Variants in PDZD2 observed in about 807,000 individuals in gnomAD.
PDZD2 encodes PDZ domain containing 2.
In PDZD2, 90 loss-of-function variants were observed where a neutral mutation model predicts 220.7. The observed-to-expected ratio is 0.41, with a 90% CI of 0.34 to 0.49. The LOEUF is 0.49. Among genes scored for constraint, PDZD2 ranks in the 20% least tolerant of loss-of-function variants. The pLI, the probability that PDZD2 is intolerant of heterozygous loss-of-function variation, is 0.28. For missense variants in PDZD2, 3,174 were observed against 3,608.5 expected, an observed-to-expected ratio of 0.88 and a Z score of 3.08; for synonymous variants, 1,375 against 1,450.5, an observed-to-expected ratio of 0.95 and a Z score of 1.18.
chr5:31,883,520 CA>C (rs747093329), intron 2 of PDZD2, among the ~76,000 whole-genome samples: 95 of 152,004 alleles, frequency 6.2e-4, no homozygotes, highest in Non-Finnish European at 1.2e-3. Flanking sequence ...CGTGTCTGGC[CA>C]GCATGCTACT....
intron 6 of PDZD2, among the ~76,000 whole-genome samples, chr5:32,024,681 TCAA>T (rs1561378043): frequency 1.5e-5 from 2 of 132,468 alleles, no homozygotes; most frequent in Non-Finnish European, 3.2e-5. Context: ...AGACTTCATC[TCAA>T]AAAAAAAAAG....
intron 2 of PDZD2, among the ~76,000 whole-genome samples, chr5:31,955,913 A>G (rs2111651193): frequency 6.6e-6 from 1 of 152,002 alleles, no homozygotes; most frequent in African/African-American, 2.4e-5. Flanking sequence ...GAATGTATTA[A>G]TTTCCACATA....
intron 1 of PDZD2, among the ~76,000 whole-genome samples, chr5:31,759,198 G>A (rs1296956622): frequency 2.7e-5 from 4 of 150,482 alleles, no homozygotes; most frequent in East Asian, 2.0e-4. Context: ...GAGGAACAGC[G>A]TGAACTAGCT....
chr5:31,760,049 G>A lies in PDZD2; in HGVS notation c.-360-38840G>A, dbSNP rs774284151. On this transcript the variant is annotated intron_variant, in intron 1 of 24. Transcript: ENST00000438447. ...GGGTGCAGCTTCAGGTTCTGCTCCC[G>A]GTAAAGCAGATGGGAGGAGGAGTGG... 7.2e-5 allele frequency among the ~76,000 whole-genome samples: 11 copies of A among 152,168 alleles called. No homozygotes were observed. The East Asian group carries it at 1.5e-3, about 21-fold the overall frequency.
At chr5:31,972,574 A>G (rs79906499) in intron 2 of PDZD2, among the ~76,000 whole-genome samples, 2,250 of 152,336 alleles carry the variant, frequency 0.015, 56 homozygotes, top group African/African-American at 0.052. Context: ...AAATGCCTAT[A>G]ACAGTGCCTG....
chr5:32,014,939 C>T (rs1164395148), intron 6 of PDZD2, among the ~76,000 whole-genome samples: 1,923 of 93,998 alleles, frequency 0.02, 228 homozygotes, highest in African/African-American at 0.059. Flanking sequence ...CAATCTCTCT[C>T]TTTTTTTTTT....
At chr5:31,665,608 A>T (rs1402672580) in intron 1 of PDZD2, among the ~76,000 whole-genome samples, 3 of 150,536 alleles carry the variant, frequency 2.0e-5, no homozygotes, top group Non-Finnish European at 4.4e-5. Flanking sequence ...AGTTCTCATG[A>T]GATCCGATGG....
intron 18 of PDZD2, 147 bp downstream of exon 18, chr5:32,074,790 T>C (rs927732359): frequency 1.8e-5 from 11 of 615,154 alleles, no homozygotes; most frequent in Non-Finnish European, 2.8e-5. Flanking sequence ...GTCACTTAAA[T>C]ACCTGGACTG....
intron 5 of PDZD2, among the ~76,000 whole-genome samples, chr5:32,001,271 A>G (rs775188000): frequency 3.5e-4 from 54 of 152,326 alleles, no homozygotes; most frequent in Non-Finnish European, 6.2e-4. Context: ...CAGCTCTTCC[A>G]GGAGGAGCTG....
At chr5:32,075,672 C>G (rs556222518) in intron 18 of PDZD2, among the ~76,000 whole-genome samples, 1 of 152,042 alleles carries the variant, frequency 6.6e-6, no homozygotes. Context: ...GGAGACAGTA[C>G]GAGAAATCAA....
chr5:32,067,454 A>G (rs1271539582), intron 14 of PDZD2, among the ~76,000 whole-genome samples: 2 of 152,216 alleles, frequency 1.3e-5, no homozygotes, highest in Non-Finnish European at 2.9e-5. Context: ...GTGTGTAAGT[A>G]TATATGCCTG....
chr5:31,864,839 CTTTTTTTTTTTT>C (rs70955752), intron 2 of PDZD2, among the ~76,000 whole-genome samples: 16 of 70,932 alleles, frequency 2.3e-4, no homozygotes, highest in African/African-American at 7.6e-4. Flanking sequence ...TGAGATTTGT[CTTTTTTTTTTTT>C]TTTTTTTTTT....
chr5:31,934,213 GA>G (rs59271352), intron 2 of PDZD2, among the ~76,000 whole-genome samples: 17,802 of 151,788 alleles, frequency 0.12, 1,294 homozygotes, highest in South Asian at 0.24. Context: ...TCTTTTAAAA[GA>G]AAAAAAAGCT....
chr5:31,799,030 G>T lies in PDZD2; in HGVS notation c.-219G>T. 1.8e-6 allele frequency: 1 copy of T among 563,684 alleles called. No homozygotes were observed. The allele number at this position is 563,684 out of a possible 1,614,324, so 34.9% of individuals were successfully genotyped here. On this transcript the variant is annotated 5_prime_UTR_variant, in exon 2 of 25. Coordinates refer to ENST00000438447, the MANE Select transcript of PDZD2 (RefSeq NM_178140.4). ...CTTCCTTCCCTCATTGAGCACTCCAGTGCCATTGTTCCACAGTTGTTCTAA... is the reference window on the plus strand; with the variant it reads ...CTTCCTTCCCTCATTGAGCACTCCATTGCCATTGTTCCACAGTTGTTCTAA...
chr5:31,822,340 G>A (rs1177803312), intron 2 of PDZD2, among the ~76,000 whole-genome samples: 2 of 137,954 alleles, frequency 1.4e-5, no homozygotes, highest in African/African-American at 5.5e-5. Flanking sequence ...GCAGTGGCAT[G>A]ATCTCAGCTC....
At chr5:31,670,483 C>T (rs552793441) in intron 1 of PDZD2, among the ~76,000 whole-genome samples, 2 of 152,278 alleles carry the variant, frequency 1.3e-5, no homozygotes, top group South Asian at 4.1e-4. Flanking sequence ...GTGGCGCGAT[C>T]TCAGCTCACT....
intron 2 of PDZD2, among the ~76,000 whole-genome samples, chr5:31,865,897 C>T (rs1246069996): frequency 6.6e-6 from 1 of 150,744 alleles, no homozygotes; most frequent in Non-Finnish European, 1.5e-5. Flanking sequence ...TCCCAAAATG[C>T]TGGGATTACA....
rs760388130 is a variant in PDZD2, at chr5:32,090,919, C to T, written c.7471C>T (p.Pro2491Ser). Residue 2491 changes from proline (P) to serine (S), a missense_variant, in exon 20 of 25, where the codon CCT becomes TCT. This residue lies in a region of PDZD2 where 631 missense variants were observed against 789.9 expected (regional missense o/e 0.80). Transcript: ENST00000438447. The surrounding 1 kb of genome is among the most constrained non-coding windows in gnomAD (Gnocchi z 4.3). The stretch of plus-strand genomic sequence containing the variant: ...CCAGGAGCTGAGAGCCTTGAGCATG[C>T]CTGACCTTGACAAGCTCTGCAGCGA... ...KLQELRALSM[P>S]DLDKLCSEDY... 1 of 1,613,976 alleles carries T rather than the reference C, an allele frequency of 6.2e-7. No individual in the cohort carries two copies. The highest frequency in any genetic ancestry group is 8.5e-7 in the Non-Finnish European group (1 of 1,180,002).
chr5:31,886,352 T>C (rs920278488), intron 2 of PDZD2, among the ~76,000 whole-genome samples: 7 of 152,118 alleles, frequency 4.6e-5, no homozygotes, highest in Admixed American at 4.6e-4. Context: ...TAGTGCCAAG[T>C]TGTTTATGTG....
Sources: gnomAD v4.1 joint callset for allele counts (sites outside exome capture counted in the v4.1 genomes callset) on GRCh38, gnomAD v4.1.1 for gene constraint, gnomAD v4.1.1 regional missense constraint, Gnocchi (gnomAD v3.1) non-coding constraint, MANE v1.5 for transcripts, NCBI Gene and HGNC (gene_info 2026-07-23, HGNC 2026-07-21) for gene names.